Variants in NME7 observed in about 807,000 individuals in gnomAD.
The protein encoded by NME7 is NME/NM23 family member 7, also known as nucleoside diphosphate kinase 7.
Under a neutral mutation model 49.1 loss-of-function variants are expected in NME7, and 41 were observed. The ratio of observed to expected loss-of-function variants is 0.83; its 90% CI spans 0.65 to 1.08. NME7 has a LOEUF of 1.08. NME7 is among the 50% of genes least tolerant of loss of function. NME7 has a pLI of 0.00. For synonymous variants in NME7, 139 were observed against 150.6 expected (o/e 0.92, Z 0.56); for missense variants, 423 against 463.4 (o/e 0.91, Z 0.80).
At chr1:169,349,861 TA>T in intron 1 of NME7, among the ~76,000 whole-genome samples, 1 of 152,306 alleles carries the variant, frequency 6.6e-6, no homozygotes, top group East Asian at 1.9e-4. Context: ...AATAGTTTTC[TA>T]AGCAAGCTAT....
intron 1 of NME7, among the ~76,000 whole-genome samples, chr1:169,341,110 CCCT>C (rs1218436334): frequency 2.6e-5 from 4 of 152,162 alleles, no homozygotes; most frequent in Admixed American, 6.5e-5. Context: ...TCGTGGCAGC[CCCT>C]CCTATCACAG....
chr1:169,137,261 C>G (rs1571235499), intron 11 of NME7, among the ~76,000 whole-genome samples: 2 of 152,318 alleles, frequency 1.3e-5, no homozygotes, highest in Non-Finnish European at 2.9e-5. Context: ...GTTTAATGCT[C>G]TGCTGCTGCT....
chr1:169,335,770 A>T (rs896389927), intron 1 of NME7, among the ~76,000 whole-genome samples: 4 of 147,256 alleles, frequency 2.7e-5, no homozygotes, highest in African/African-American at 9.9e-5. Flanking sequence ...ATATATATTT[A>T]TATATATGTT....
rs779240026 is a variant in NME7, at chr1:169,323,183, C to T, written c.212G>A (p.Arg71Gln). The change falls in exon 3 of 12, where the codon CGA becomes CAA. Residue 71 changes from arginine (R) to glutamine (Q), a missense_variant. Transcript: ENST00000367811. ...CCCATAGTCAATTAATACCAGTTGT[C>T]GAGAAAAGACATTCACTTTGTTGCC... ...FIGNKVNVFS[R>Q]QLVLIDYGDQ... The T allele has an allele frequency of 1.6e-5, 25 of 1,607,388 alleles. No individual in the cohort carries two copies. Among genetic ancestry groups the T allele is most frequent in the Middle Eastern group, 1.6e-4 (1 of 6,074 alleles).
intron 8 of NME7, among the ~76,000 whole-genome samples, chr1:169,236,733 T>TC (rs11446636): frequency 6.6e-6 from 1 of 151,712 alleles, no homozygotes; most frequent in African/African-American, 2.4e-5. Flanking sequence ...TTTTTTTTTT[T>TC]CTTTTTTGGC....
chr1:169,213,541 T>A (rs76254504), intron 10 of NME7, among the ~76,000 whole-genome samples: 9,444 of 152,238 alleles, frequency 0.062, 383 homozygotes, highest in East Asian at 0.12. Flanking sequence ...TGAACATATA[T>A]GAAATAGGCA....
At chr1:169,301,846 C>T (rs1384297125) in intron 5 of NME7, 2 of 152,134 alleles carry the variant, frequency 1.3e-5, no homozygotes, top group Non-Finnish European at 2.9e-5. Flanking sequence ...CATGTTCGCA[C>T]TTACAAGTAG....
At chr1:169,144,003 A>G (rs1461318231) in intron 11 of NME7, among the ~76,000 whole-genome samples, 2 of 152,162 alleles carry the variant, frequency 1.3e-5, no homozygotes, top group Non-Finnish European at 2.9e-5. Flanking sequence ...GACTAACCCT[A>G]TGAATAAATT....
At chr1:169,203,288 A>C (rs1660596050) in intron 10 of NME7, among the ~76,000 whole-genome samples, 3 of 152,128 alleles carry the variant, frequency 2.0e-5, no homozygotes, top group African/African-American at 7.2e-5. Context: ...TTTTCTTATA[A>C]AAGTCTTTGT....
intron 6 of NME7, among the ~76,000 whole-genome samples, chr1:169,288,106 T>C (rs1353417949): frequency 1.3e-5 from 2 of 152,176 alleles, no homozygotes; most frequent in African/African-American, 4.8e-5. Flanking sequence ...CCAAAGAATC[T>C]TACCAATGTG....
At chr1:169,194,550 T>C (rs1481745475) in intron 10 of NME7, among the ~76,000 whole-genome samples, 1 of 152,204 alleles carries the variant, frequency 6.6e-6, no homozygotes, top group Non-Finnish European at 1.5e-5. Flanking sequence ...CAACCCACTT[T>C]TTGTTTTCTG....
chr1:169,213,193 A>T (rs1437222073), intron 10 of NME7, among the ~76,000 whole-genome samples: 1 of 152,168 alleles, frequency 6.6e-6, no homozygotes, highest in Non-Finnish European at 1.5e-5. Context: ...AAACAGAAAT[A>T]CACACAAAAC....
chr1:169,147,312 G>T (rs545731452), intron 11 of NME7, among the ~76,000 whole-genome samples: 6 of 151,992 alleles, frequency 3.9e-5, no homozygotes, highest in Admixed American at 2.0e-4. Flanking sequence ...AGTTTTTCTA[G>T]TCTCACTCCC....
intron 1 of NME7, among the ~76,000 whole-genome samples, chr1:169,334,955 A>T (rs1165692847): frequency 6.6e-6 from 1 of 152,222 alleles, no homozygotes; most frequent in Non-Finnish European, 1.5e-5. Flanking sequence ...GCCAACAAAC[A>T]TGAAAAAAAG....
chr1:169,293,978 C>G (rs1253564083), intron 6 of NME7, among the ~76,000 whole-genome samples: 1 of 151,976 alleles, frequency 6.6e-6, no homozygotes, highest in Admixed American at 6.6e-5. Context: ...ATTACATTTT[C>G]TAACTGGTTA....
At chr1:169,262,177 G>A (rs77320508) in intron 7 of NME7, among the ~76,000 whole-genome samples, 3,171 of 133,480 alleles carry the variant, frequency 0.024, 469 homozygotes, top group African/African-American at 0.072. Flanking sequence ...GAAACCATCC[G>A]GTAAAGAAGC....
chr1:169,216,992 G>A (rs1272461818), intron 10 of NME7, among the ~76,000 whole-genome samples: 2 of 152,098 alleles, frequency 1.3e-5, no homozygotes, highest in Non-Finnish European at 2.9e-5. Context: ...GTGAGGTGAT[G>A]GATGTACTAA....
intron 11 of NME7, among the ~76,000 whole-genome samples, chr1:169,147,066 C>T (rs1448386641): frequency 6.6e-6 from 1 of 152,186 alleles, no homozygotes; most frequent in Non-Finnish European, 1.5e-5. Context: ...CTTCTCTCAT[C>T]CCCCTCAAGA....
At chr1:169,301,189 G>A (rs1443622840) in intron 5 of NME7, among the ~76,000 whole-genome samples, 1 of 151,962 alleles carries the variant, frequency 6.6e-6, no homozygotes, top group Non-Finnish European at 1.5e-5. Flanking sequence ...TTCAACAAAG[G>A]ACTAATATGC....
Sources: gnomAD v4.1 joint callset for allele counts (sites outside exome capture counted in the v4.1 genomes callset) on GRCh38, gnomAD v4.1.1 for gene constraint, MANE v1.5 for transcripts, NCBI Gene and HGNC (gene_info 2026-07-23, HGNC 2026-07-21) for gene names.